The following KAZN variants were observed in gnomAD, a reference collection of about 807,000 sequenced individuals.
KAZN encodes the protein kazrin.
Under a neutral mutation model 87.4 loss-of-function variants are expected in KAZN, and 40 were observed. The ratio of observed to expected loss-of-function variants is 0.46; its 90% CI spans 0.36 to 0.60. The LOEUF (loss-of-function observed/expected upper bound fraction) is 0.60, where lower values mean the gene tolerates loss of function less well. Among genes scored for constraint, KAZN ranks in the 20% least tolerant of loss-of-function variants. The pLI is 0.00. For synonymous variants in KAZN, 466 were observed against 458.3 expected, an observed-to-expected ratio of 1.02 and a Z score of -0.22; for missense variants, 898 against 1,073.9, an observed-to-expected ratio of 0.84 and a Z score of 2.29.
chr1:14,278,953 A>G (rs1652629642), intron 2 of KAZN, among the ~76,000 whole-genome samples: 1 of 82,960 alleles, frequency 1.2e-5, no homozygotes, highest in African/African-American at 5.6e-5. Flanking sequence ...TTTTTTTGGC[A>G]GGCAAGACTA....
intron 1 of KAZN, among the ~76,000 whole-genome samples, chr1:14,676,551 G>A (rs545658758): frequency 2.6e-5 from 4 of 152,188 alleles, no homozygotes; most frequent in Admixed American, 6.5e-5. Context: ...CAACCCAAAT[G>A]TCCATGAGTT....
At chr1:13,959,610 A>G (rs1330950841) in intron 1 of KAZN, among the ~76,000 whole-genome samples, 3 of 152,066 alleles carry the variant, frequency 2.0e-5, no homozygotes, top group Admixed American at 6.6e-5. Context: ...TTCCCTTTGC[A>G]TGGGATCATT....
At chr1:14,700,077 G>C (rs1376497099) in intron 1 of KAZN, among the ~76,000 whole-genome samples, 1 of 152,184 alleles carries the variant, frequency 6.6e-6, no homozygotes, top group African/African-American at 2.4e-5. Context: ...AAAGGGTTAT[G>C]CTGAAAGAAG....
intron 2 of KAZN, among the ~76,000 whole-genome samples, chr1:14,289,075 ATTTGCTGAGGAGTGC>A (rs1327790122): frequency 2.6e-5 from 4 of 152,120 alleles, no homozygotes; most frequent in Non-Finnish European, 5.9e-5. Flanking sequence ...GTTCTTTTAC[ATTTGCTGAGGAGTGC>A]TTTACTTCCA....
At chr1:14,770,559 G>C (rs978708046) in intron 1 of KAZN, among the ~76,000 whole-genome samples, 2 of 152,134 alleles carry the variant, frequency 1.3e-5, no homozygotes, top group African/African-American at 4.8e-5. Flanking sequence ...CCATCAGTTA[G>C]ACTATGTGTG....
chr1:14,683,055 G>A (rs55872557), intron 1 of KAZN, among the ~76,000 whole-genome samples: 3,778 of 152,256 alleles, frequency 0.025, 173 homozygotes, highest in African/African-American at 0.087. Flanking sequence ...GACATAGTGC[G>A]AGTTCCCTAT....
At chr1:14,640,005 G>A (rs1230788582) in intron 1 of KAZN, among the ~76,000 whole-genome samples, 2 of 152,200 alleles carry the variant, frequency 1.3e-5, no homozygotes, top group South Asian at 2.1e-4. Context: ...ACGCTAGGTG[G>A]TTGTGGAGAG....
chr1:14,609,909 C>T (rs959577739), intron 1 of KAZN, among the ~76,000 whole-genome samples: 1 of 152,222 alleles, frequency 6.6e-6, no homozygotes, highest in Non-Finnish European at 1.5e-5. Flanking sequence ...AGATCAGGCC[C>T]AGCTGCACAG....
rs565503339 is a variant in KAZN, at chr1:14,981,549, A to G, written c.418+20674A>G. On this transcript the variant is annotated intron_variant, in intron 2 of 14. Coordinates refer to ENST00000376030, the MANE Select transcript of KAZN (RefSeq NM_201628.3). ...GGCAGTGGTATCTGCATGCAACCCC[A>G]TCTCTGGGGGGTTATAGCCCTGTGG... Among the ~76,000 whole-genome samples, 10 of 152,312 alleles carry G rather than the reference A, an allele frequency of 6.6e-5. No homozygotes were observed. In the East Asian group the frequency reaches 1.9e-3, roughly 29 times the overall value.
chr1:14,588,110 G>A (rs916811200), intron 2 of KAZN, among the ~76,000 whole-genome samples: 8 of 152,108 alleles, frequency 5.3e-5, no homozygotes, highest in Non-Finnish European at 7.3e-5. Flanking sequence ...TCTGTAAAAC[G>A]GGGATGATCA....
rs1639821651 is a variant in KAZN at position 15,077,713 on chromosome 1, C to T, written c.1222+11960C>T. On this transcript the variant is annotated intron_variant, in intron 8 of 14. Coordinates refer to ENST00000376030, the MANE Select transcript of KAZN (RefSeq NM_201628.3). The surrounding 1 kb of genome is among the most constrained non-coding windows in gnomAD (Gnocchi z 4.8). ...GATGGGCCTGACAATAGGGTGACTC[C>T]GTATTATCCAAGAAATCCCAGGAGG... 6.6e-6 allele frequency among the ~76,000 whole-genome samples: 1 copy of T among 152,148 alleles called. No individual in the cohort carries two copies. The highest frequency in any genetic ancestry group is 6.5e-5 in the Admixed American group (1 of 15,274).
intron 1 of KAZN, among the ~76,000 whole-genome samples, chr1:13,974,701 C>T (rs1416777156): frequency 2.6e-5 from 4 of 152,144 alleles, no homozygotes; most frequent in African/African-American, 9.7e-5. Flanking sequence ...CTAGAGCTCC[C>T]TGAGGAAGCA....
At chr1:14,944,013 G>A (rs1239709572) in intron 1 of KAZN, among the ~76,000 whole-genome samples, 1 of 152,134 alleles carries the variant, frequency 6.6e-6, no homozygotes, top group Admixed American at 6.5e-5. Flanking sequence ...GGCGGAGGTT[G>A]TACTGAGCTG....
At chr1:14,742,889 G>T (rs7516004) in intron 1 of KAZN, among the ~76,000 whole-genome samples, 1 of 152,186 alleles carries the variant, frequency 6.6e-6, no homozygotes, top group Admixed American at 6.5e-5. Flanking sequence ...AGCACCCACG[G>T]CTCAGAGACG....
chr1:14,278,489 G>A (rs988388511), intron 2 of KAZN, among the ~76,000 whole-genome samples: 5 of 151,700 alleles, frequency 3.3e-5, no homozygotes, highest in Admixed American at 6.6e-5. Context: ...GGGGTTTTAC[G>A]ACGTTGGCCA....
chr1:14,473,969 A>G (rs766525241), intron 2 of KAZN, among the ~76,000 whole-genome samples: 2 of 152,166 alleles, frequency 1.3e-5, no homozygotes, highest in Non-Finnish European at 2.9e-5. Flanking sequence ...TGTTTCCATC[A>G]TTCCCGGTCA....
At chr1:14,205,584 T>A (rs1646722482) in intron 2 of KAZN, among the ~76,000 whole-genome samples, 2 of 152,036 alleles carry the variant, frequency 1.3e-5, no homozygotes, top group Non-Finnish European at 2.9e-5. Flanking sequence ...ATCCTGTTGG[T>A]GAACACATAC....
intron 1 of KAZN, among the ~76,000 whole-genome samples, chr1:14,107,242 C>A (rs1644396984): frequency 6.6e-6 from 1 of 151,626 alleles, no homozygotes; most frequent in South Asian, 2.1e-4. Flanking sequence ...GGGCAGTGAT[C>A]CACCCCTGTC....
chr1:14,698,281 G>A (rs1042741876), intron 1 of KAZN, among the ~76,000 whole-genome samples: 1 of 152,170 alleles, frequency 6.6e-6, no homozygotes, highest in Non-Finnish European at 1.5e-5. Flanking sequence ...GCCAGTTCAG[G>A]TGGGGGTGGG....
Sources: allele counts gnomAD v4.1 joint callset (sites outside exome capture counted in the v4.1 genomes callset), GRCh38; gene constraint gnomAD v4.1.1; non-coding constraint Gnocchi (gnomAD v3.1); transcripts MANE v1.5; gene names NCBI Gene and HGNC (gene_info 2026-07-23, HGNC 2026-07-21).